HECTD4: variants seen among roughly 807,000 people sequenced by gnomAD.
HECTD4 encodes the protein HECT domain E3 ubiquitin protein ligase 4, also known as probable E3 ubiquitin-protein ligase HECTD4.
In HECTD4, 114 loss-of-function variants were observed where a neutral mutation model predicts 471.5. The observed-to-expected ratio is 0.24, with a 90% CI of 0.21 to 0.28. HECTD4 has a LOEUF of 0.28. Among genes scored for constraint, HECTD4 ranks in the 10% least tolerant of loss-of-function variants. The pLI, the probability that HECTD4 is intolerant of heterozygous loss-of-function variation, is 1.00. For synonymous variants in HECTD4, 2,012 were observed against 2,256.0 expected, an observed-to-expected ratio of 0.89 and a Z score of 3.07; for missense variants, 3,866 against 5,651.5, an observed-to-expected ratio of 0.68 and a Z score of 10.13.
intron 1 of HECTD4, among the ~76,000 whole-genome samples, chr12:112,366,615 G>A (rs1393307688): frequency 6.6e-6 from 1 of 151,570 alleles, no homozygotes; most frequent in Non-Finnish European, 1.5e-5. Context: ...AGAAAAAAAA[G>A]AGCGCCTGTA....
At chr12:112,353,217 C>T (rs909860055) in intron 1 of HECTD4, among the ~76,000 whole-genome samples, 6 of 152,282 alleles carry the variant, frequency 3.9e-5, no homozygotes, top group South Asian at 2.1e-4. Context: ...GACAGCTCTG[C>T]GTTCCAAGAA....
intron 60 of HECTD4, among the ~76,000 whole-genome samples, chr12:112,187,684 T>C (rs893366478): frequency 1.4e-5 from 2 of 141,166 alleles, no homozygotes; most frequent in African/African-American, 5.3e-5. Flanking sequence ...TGGAGTGCCG[T>C]GGTGCCATCT....
At chr12:112,209,966 C>T in intron 50 of HECTD4, 49 bp downstream of exon 50, 1 of 1,442,034 alleles carries the variant, frequency 6.9e-7, no homozygotes, top group Non-Finnish European at 9.6e-7. Flanking sequence ...TCATAACATT[C>T]ATGGTCTCAG....
intron 45 of HECTD4, among the ~76,000 whole-genome samples, chr12:112,217,425 C>G (rs940762473): frequency 6.6e-5 from 10 of 152,198 alleles, no homozygotes; most frequent in African/African-American, 2.4e-4. Flanking sequence ...GCAATCATAG[C>G]TCGCTGCAGC....
intron 69 of HECTD4, chr12:112,169,893 C>G: frequency 1.7e-6 from 1 of 602,510 alleles, no homozygotes; most frequent in African/African-American, 1.8e-5. Context: ...GGCCCCTTCT[C>G]ATCTTCTAGA....
chr12:112,230,697 G>A lies in HECTD4; in HGVS notation c.6326C>T (p.Thr2109Ile). The A allele has an allele frequency of 6.2e-7, 1 of 1,610,386 alleles. No individual in the cohort carries two copies. Among genetic ancestry groups the A allele is most frequent in the Non-Finnish European group, 8.5e-7 (1 of 1,178,224 alleles). The change falls in exon 40 of 76, where the codon ACA becomes ATA. Residue 2109 changes from threonine to isoleucine, a missense_variant. Coordinates refer to ENST00000682272, the MANE Select transcript of HECTD4 (RefSeq NM_001388303.1). ...CAACACTGCGCTAACCTTCTCTGCT[G>A]TTGTGGTCCATATTTGAGCAGCATT... ...ESNAAQIWTTTAEKVLSRALM... is the reference protein window; with the variant it reads ...ESNAAQIWTTIAEKVLSRALM...
Position 112,184,916 on chromosome 12 carries a change from G to A in HECTD4, c.10050C>T (p.Asp3350=), listed in dbSNP as rs754703539. 1.2e-6 allele frequency: 2 copies of A among 1,613,646 alleles called. No individual in the cohort carries two copies. Among genetic ancestry groups the A allele is most frequent in the African/African-American group, 2.7e-5 (2 of 74,946 alleles). The part of the protein sequence containing the change: ...VLSIGGSKPE[D]MLWFHRALTL... ...TGAGTGCGCGGTGGAACCACAGCAT[G>A]TCCTCGGGCTTGCTGCCTCCGATGC... Residue 3350 remains aspartate, a synonymous_variant, in exon 61 of 76, where the codon GAC becomes GAT. Transcript: ENST00000682272. This position sits in a 1 kb window ranked among gnomAD's most constrained non-coding sequence, Gnocchi z 9.1.
At chr12:112,355,390 G>A (rs2054676368) in intron 1 of HECTD4, among the ~76,000 whole-genome samples, 1 of 151,792 alleles carries the variant, frequency 6.6e-6, no homozygotes, top group African/African-American at 2.4e-5. Context: ...GAACCCGGAA[G>A]GCGGAGGTTG....
chr12:112,269,562 AG>A, intron 13 of HECTD4, 141 bp downstream of exon 13: 1 of 853,528 alleles, frequency 1.2e-6, no homozygotes, highest in South Asian at 1.9e-5. Flanking sequence ...ACCCCTCTCC[AG>A]TGAAATTATC....
intron 1 of HECTD4, among the ~76,000 whole-genome samples, chr12:112,376,122 C>T (rs1387172397): frequency 6.6e-6 from 1 of 152,024 alleles, no homozygotes; most frequent in Admixed American, 6.6e-5. Flanking sequence ...TGCTTTCCAC[C>T]AGCAACATAA....
chr12:112,361,858 C>T (rs985359709), intron 1 of HECTD4, among the ~76,000 whole-genome samples: 19 of 152,152 alleles, frequency 1.2e-4, no homozygotes, highest in Admixed American at 7.9e-4. Context: ...AAAAACTCTA[C>T]AATATAGTAC....
chr12:112,214,056 A>T (rs1329914659), intron 48 of HECTD4, among the ~76,000 whole-genome samples: 1 of 152,098 alleles, frequency 6.6e-6, no homozygotes, highest in Non-Finnish European at 1.5e-5. Context: ...TACATATATA[A>T]TTTTAAACTT....
intron 3 of HECTD4, among the ~76,000 whole-genome samples, chr12:112,313,923 C>A (rs539224007): frequency 1.3e-5 from 2 of 151,982 alleles, no homozygotes; most frequent in Non-Finnish European, 2.9e-5. Flanking sequence ...AGCATATGTA[C>A]CAAAATGTTA....
At chr12:112,261,226 T>G in intron 18 of HECTD4, 79 bp downstream of exon 18, 4 of 1,405,106 alleles carry the variant, frequency 2.8e-6, no homozygotes, top group Non-Finnish European at 3.8e-6. Context: ...TCCTTCTATA[T>G]TCTAAAAAGA....
In HECTD4 at chr12:112,193,242, C is replaced by G; in HGVS notation, c.8956-51G>C. 4 of 1,598,584 alleles carry G rather than the reference C, an allele frequency of 2.5e-6. No homozygotes were observed. The South Asian group carries it at 4.5e-5, about 18-fold the overall frequency. On this transcript the variant is annotated intron_variant, in intron 57 of 75. Coordinates refer to ENST00000682272, the MANE Select transcript of HECTD4 (RefSeq NM_001388303.1). This position sits in a 1 kb window ranked among gnomAD's most constrained non-coding sequence, Gnocchi z 5.2. Reference sequence around the variant, plus strand: ...AGCCACGGGCTAAACACAGGGACAGCATTTCATCTTCTCATCTCACATGGC... The same window carrying G: ...AGCCACGGGCTAAACACAGGGACAGGATTTCATCTTCTCATCTCACATGGC...
intron 1 of HECTD4, among the ~76,000 whole-genome samples, chr12:112,352,972 A>G (rs758033979): frequency 3.9e-5 from 6 of 152,204 alleles, no homozygotes; most frequent in Non-Finnish European, 8.8e-5. Flanking sequence ...GTCTGTAATG[A>G]AGAAAACTTC....
intron 45 of HECTD4, 71 bp from the exon 46 acceptor site, chr12:112,217,266 A>G: frequency 7.5e-7 from 1 of 1,331,990 alleles, no homozygotes; most frequent in Non-Finnish European, 9.9e-7. Context: ...CAAAGAAGAA[A>G]AAAATTTTAT....
In HECTD4 at chr12:112,235,469, C is replaced by T; in HGVS notation, c.5725+35G>A. On this transcript the variant is annotated intron_variant, in intron 36 of 75. Transcript: ENST00000682272. This position sits in a 1 kb window ranked among gnomAD's most constrained non-coding sequence, Gnocchi z 5.0. ...CCTGACTGGGCACAGGAATGCTGCA[C>T]TGCCATGCTACTCTCCTGTTGAGGA... is the stretch of plus-strand genomic sequence containing the variant. 1 of 1,570,458 alleles carries T rather than the reference C, an allele frequency of 6.4e-7. No homozygotes were observed. The highest frequency in any genetic ancestry group is 8.6e-7 in the Non-Finnish European group (1 of 1,158,556).
chr12:112,380,716 A>T (rs754614881), intron 1 of HECTD4, among the ~76,000 whole-genome samples: 12 of 152,152 alleles, frequency 7.9e-5, no homozygotes, highest in Non-Finnish European at 1.8e-4. Context: ...AGAGTTCATA[A>T]CGGAAGTGCT....
Sources: gnomAD v4.1 joint callset for allele counts (sites outside exome capture counted in the v4.1 genomes callset) on GRCh38, gnomAD v4.1.1 for gene constraint, Gnocchi (gnomAD v3.1) non-coding constraint, MANE v1.5 for transcripts, NCBI Gene and HGNC (gene_info 2026-07-23, HGNC 2026-07-21) for gene names.